Variants in AGBL4 observed in about 807,000 individuals in gnomAD.
The protein encoded by AGBL4 is AGBL carboxypeptidase 4, also known as cytosolic carboxypeptidase 6.
A neutral mutation model predicts 66.4 loss-of-function variants in AGBL4; 58 were observed. The ratio of observed to expected loss-of-function variants is 0.87; its 90% CI spans 0.71 to 1.09. AGBL4 has a LOEUF of 1.09. Among genes scored for constraint, AGBL4 ranks in the 50% least tolerant of loss-of-function variants. AGBL4 has a pLI of 0.00. For missense variants in AGBL4, 579 were observed against 631.0 expected (o/e 0.92, Z 0.88); for synonymous variants, 234 against 222.9 (o/e 1.05, Z -0.44).
At chr1:49,493,386 A>C (rs888692530) in intron 3 of AGBL4, among the ~76,000 whole-genome samples, 27 of 152,050 alleles carry the variant, frequency 1.8e-4, no homozygotes, top group African/African-American at 6.5e-4. Context: ...CTTTATATAC[A>C]TTAATGTTCA....
Position 48,867,242 on chromosome 1 carries a change from AAC to A in AGBL4, c.595-14_595-13del, listed in dbSNP as rs1648193354. 2 of 1,613,300 alleles carry A rather than the reference AAC, an allele frequency of 1.2e-6. No individual in the cohort carries two copies. The highest frequency in any genetic ancestry group is 8.5e-7 in the Non-Finnish European group (1 of 1,179,690). ...AGCTTTCGTTGTTGCTGCAAAAGAA[AAC>A]ACACTGTGAGGGCACTGATTTGAGC... On this transcript the variant is annotated splice_polypyrimidine_tract_variant and intron_variant, in intron 5 of 13. Coordinates refer to ENST00000371839, the MANE Select transcript of AGBL4 (RefSeq NM_032785.4).
chr1:49,703,654 C>T (rs1366658047), intron 2 of AGBL4, among the ~76,000 whole-genome samples: 1 of 151,768 alleles, frequency 6.6e-6, no homozygotes, highest in Non-Finnish European at 1.5e-5. Context: ...AATTATTTAT[C>T]CGAGATCAAG....
intron 9 of AGBL4, among the ~76,000 whole-genome samples, chr1:48,601,978 G>A (rs1390606114): frequency 6.6e-6 from 1 of 152,164 alleles, no homozygotes; most frequent in Non-Finnish European, 1.5e-5. Flanking sequence ...CAATTTTTAA[G>A]GCTGTGAGAG....
chr1:49,569,494 CCTA>C (rs778913249), intron 3 of AGBL4, among the ~76,000 whole-genome samples: 5 of 151,994 alleles, frequency 3.3e-5, no homozygotes, highest in African/African-American at 1.2e-4. Context: ...AATATATATA[CCTA>C]CTACTTACAC....
chr1:49,829,473 G>C (rs1244353451), intron 2 of AGBL4, among the ~76,000 whole-genome samples: 1 of 152,126 alleles, frequency 6.6e-6, no homozygotes, highest in Non-Finnish European at 1.5e-5. Flanking sequence ...AATTACATCA[G>C]TATGCCCCTG....
chr1:48,624,313 G>A (rs1645463419), intron 9 of AGBL4, among the ~76,000 whole-genome samples: 8 of 152,226 alleles, frequency 5.3e-5, no homozygotes, highest in Admixed American at 5.2e-4. Context: ...GGATGTTTCA[G>A]TGCTGTCTTG....
At chr1:49,105,196 C>T (rs1230302526) in intron 4 of AGBL4, among the ~76,000 whole-genome samples, 2 of 152,126 alleles carry the variant, frequency 1.3e-5, no homozygotes, top group African/African-American at 4.8e-5. Context: ...ACAGGCATGG[C>T]TTTTGCAGAC....
At chr1:48,966,972 A>G (rs1250430393) in intron 5 of AGBL4, among the ~76,000 whole-genome samples, 1 of 152,030 alleles carries the variant, frequency 6.6e-6, no homozygotes, top group East Asian at 1.9e-4. Flanking sequence ...GTCAAGTCCA[A>G]ACAAAAGGGT....
intron 3 of AGBL4, among the ~76,000 whole-genome samples, chr1:49,543,503 G>C (rs1457500743): frequency 6.6e-6 from 1 of 152,042 alleles, no homozygotes; most frequent in South Asian, 2.1e-4. Flanking sequence ...CAGAAGAAAA[G>C]CACACTCAGG....
chr1:48,688,349 C>T lies in AGBL4; in HGVS notation c.635-25108G>A, dbSNP rs549421209. Among the ~76,000 whole-genome samples the T allele has an allele frequency of 4.6e-5, 7 of 152,322 alleles. No individual in the cohort carries two copies. The South Asian group carries it at 1.4e-3, about 32-fold the overall frequency. ...GCCCTCCCTAAGCTTCCAGGGCGCT[C>T]CTCCTTCCTGCTTCCTCATCTCCAT... is the stretch of plus-strand genomic sequence containing the variant. On this transcript the variant is annotated intron_variant, in intron 6 of 13. Transcript: ENST00000371839.
chr1:49,032,648 G>C (rs1664324054), intron 5 of AGBL4, among the ~76,000 whole-genome samples: 1 of 152,126 alleles, frequency 6.6e-6, no homozygotes, highest in Non-Finnish European at 1.5e-5. Context: ...TGTGTGAGCA[G>C]GATAGTGAGC....
chr1:49,435,596 C>T (rs1405711774), intron 3 of AGBL4, among the ~76,000 whole-genome samples: 1 of 152,132 alleles, frequency 6.6e-6, no homozygotes, highest in African/African-American at 2.4e-5. Flanking sequence ...CTGTAGCTGA[C>T]AGTCTGGTTT....
chr1:48,785,628 A>T (rs975653775), intron 6 of AGBL4, among the ~76,000 whole-genome samples: 5 of 152,230 alleles, frequency 3.3e-5, no homozygotes, highest in African/African-American at 1.2e-4. Flanking sequence ...ACAGAAGAAA[A>T]ATAGTCAAGT....
At chr1:49,284,375 C>T (rs1435964249) in intron 3 of AGBL4, among the ~76,000 whole-genome samples, 1 of 152,030 alleles carries the variant, frequency 6.6e-6, no homozygotes, top group East Asian at 1.9e-4. Flanking sequence ...GAAGGAAGCG[C>T]TAAACAGGGA....
At chr1:48,870,501 G>A (rs1165635346) in intron 5 of AGBL4, among the ~76,000 whole-genome samples, 3 of 152,146 alleles carry the variant, frequency 2.0e-5, no homozygotes, top group Non-Finnish European at 4.4e-5. Flanking sequence ...TGACCCTGTT[G>A]ATTAGGAATT....
chr1:48,700,483 G>A (rs868725449), intron 6 of AGBL4, among the ~76,000 whole-genome samples: 23 of 152,324 alleles, frequency 1.5e-4, no homozygotes, highest in African/African-American at 5.0e-4. Context: ...CACTTAAGAG[G>A]AAATTAGCCT....
In AGBL4 at chr1:49,596,878, C is replaced by A. The variant is rs114366453; in HGVS notation, c.282+100435G>T. Among the ~76,000 whole-genome samples, 597 of 152,272 alleles carry A rather than the reference C, an allele frequency of 3.9e-3. 3 individuals are homozygous for A. The highest frequency in any genetic ancestry group is 0.014 in the African/African-American group (585 of 41,564). On this transcript the variant is annotated intron_variant, in intron 3 of 13. Transcript: ENST00000371839. ...GTGACTCTCTCAGAGAGGAACAGAG[C>A]ATAAAGTGCTCTCACAACCATTAGT...
chr1:49,176,076 A>T (rs1335813723), intron 4 of AGBL4, among the ~76,000 whole-genome samples: 2 of 152,034 alleles, frequency 1.3e-5, no homozygotes, highest in African/African-American at 2.4e-5. Flanking sequence ...GTTTTTCCAT[A>T]CTCTGTAGGT....
At chr1:48,608,269 C>A (rs1349349863) in intron 9 of AGBL4, among the ~76,000 whole-genome samples, 2 of 152,098 alleles carry the variant, frequency 1.3e-5, no homozygotes, top group East Asian at 1.9e-4. Context: ...ATGTGAGATT[C>A]AAGTCTTCAG....
Sources: gnomAD v4.1 joint callset for allele counts (sites outside exome capture counted in the v4.1 genomes callset) on GRCh38, gnomAD v4.1.1 for gene constraint, MANE v1.5 for transcripts, NCBI Gene and HGNC (gene_info 2026-07-23, HGNC 2026-07-21) for gene names.